The following IGF2BP2 variants were observed in gnomAD, a reference collection of about 807,000 sequenced individuals.
The protein encoded by IGF2BP2 is insulin like growth factor 2 mRNA binding protein 2, also known as insulin-like growth factor 2 mRNA-binding protein 2.
Under a neutral mutation model 75.8 loss-of-function variants are expected in IGF2BP2, and 17 were observed. The ratio of observed to expected loss-of-function variants is 0.22; its 90% CI spans 0.15 to 0.34. The LOEUF (loss-of-function observed/expected upper bound fraction) is 0.34, where lower values mean the gene tolerates loss of function less well. IGF2BP2 is among the 10% of genes least tolerant of loss of function. The pLI, the probability that IGF2BP2 is intolerant of heterozygous loss-of-function variation, is 1.00. For missense variants in IGF2BP2, 516 were observed against 772.4 expected, an observed-to-expected ratio of 0.67 and a Z score of 3.93; for synonymous variants, 288 against 295.6, an observed-to-expected ratio of 0.97 and a Z score of 0.26.
chr3:185,702,101 A>G (rs908717528), intron 2 of IGF2BP2, among the ~76,000 whole-genome samples: 1 of 152,036 alleles, frequency 6.6e-6, no homozygotes, highest in Non-Finnish European at 1.5e-5. Flanking sequence ...TCTTCGCCAT[A>G]ATTACTTATC....
chr3:185,806,406 A>C (rs760166048), intron 2 of IGF2BP2, among the ~76,000 whole-genome samples: 1 of 152,198 alleles, frequency 6.6e-6, no homozygotes, highest in African/African-American at 2.4e-5. Context: ...CTAAAGAGTA[A>C]GCACTCCTAA....
chr3:185,668,599 A>G (rs748987433), intron 10 of IGF2BP2, among the ~76,000 whole-genome samples: 31 of 148,804 alleles, frequency 2.1e-4, no homozygotes, highest in Non-Finnish European at 4.2e-4. Context: ...AAGTTGAACT[A>G]TGAACTATTG....
chr3:185,734,210 A>G (rs781059908), intron 2 of IGF2BP2, among the ~76,000 whole-genome samples: 111 of 152,350 alleles, frequency 7.3e-4, no homozygotes, highest in Non-Finnish European at 7.6e-4. Context: ...ACATAGTTAC[A>G]TAGGTGAAAC....
chr3:185,739,137 A>T (rs1440637746), intron 2 of IGF2BP2, among the ~76,000 whole-genome samples: 11 of 152,196 alleles, frequency 7.2e-5, no homozygotes. Flanking sequence ...GGGATTTAGC[A>T]GCGTTCTGAA....
In IGF2BP2 at chr3:185,647,161, G is replaced by A. The variant is rs1013682906; in HGVS notation, c.1594-23C>T. 9.1e-6 allele frequency: 14 copies of A among 1,546,708 alleles called. No homozygotes were observed. The highest frequency in any genetic ancestry group is 3.4e-4 in the Middle Eastern group (2 of 5,956). ...CACCTGTGAAGGGAGAAACGGCAAC[G>A]GGTTGGATAGGTTCCCTCCCCGTCA... On this transcript the variant is annotated intron_variant, in intron 14 of 15. Coordinates refer to ENST00000382199, the MANE Select transcript of IGF2BP2 (RefSeq NM_006548.6). The surrounding 1 kb of genome is among the most constrained non-coding windows in gnomAD (Gnocchi z 4.9).
intron 2 of IGF2BP2, among the ~76,000 whole-genome samples, chr3:185,709,040 A>T (rs1247004181): frequency 6.6e-6 from 1 of 152,230 alleles, no homozygotes; most frequent in African/African-American, 2.4e-5. Context: ...TCCTCAACTC[A>T]TTATCTGTAA....
chr3:185,660,969 G>T (rs1716337990), intron 10 of IGF2BP2, among the ~76,000 whole-genome samples: 1 of 152,224 alleles, frequency 6.6e-6, no homozygotes, highest in Non-Finnish European at 1.5e-5. Context: ...CCTATTCTGG[G>T]TTCAAATACT....
At chr3:185,674,301 CA>C (rs1232041791) in intron 9 of IGF2BP2, among the ~76,000 whole-genome samples, 1 of 152,084 alleles carries the variant, frequency 6.6e-6, no homozygotes, top group African/African-American at 2.4e-5. Context: ...TTGATAACTG[CA>C]AAAGGTGGAT....
At chr3:185,720,020 T>C (rs1164739327) in intron 2 of IGF2BP2, among the ~76,000 whole-genome samples, 1 of 152,168 alleles carries the variant, frequency 6.6e-6, no homozygotes, top group Non-Finnish European at 1.5e-5. Context: ...ATTGTGACTG[T>C]CCCTTCTAAA....
intron 8 of IGF2BP2, 152 bp downstream of exon 8, chr3:185,675,639 G>A: frequency 8.9e-7 from 1 of 1,118,014 alleles, no homozygotes; most frequent in Non-Finnish European, 1.3e-6. Flanking sequence ...TACCTGGTAA[G>A]TATTTATGTA....
chr3:185,811,747 C>T (rs1240389149), intron 2 of IGF2BP2, among the ~76,000 whole-genome samples: 2 of 151,802 alleles, frequency 1.3e-5, no homozygotes, highest in African/African-American at 4.8e-5. Context: ...GTGCAAAATA[C>T]GAAACCATGG....
chr3:185,710,766 C>T (rs1202977883), intron 2 of IGF2BP2, among the ~76,000 whole-genome samples: 2 of 151,652 alleles, frequency 1.3e-5, no homozygotes. Context: ...CAAAAAACCT[C>T]GAGTGATTCT....
At chr3:185,655,646 C>G (rs981490057) in intron 12 of IGF2BP2, among the ~76,000 whole-genome samples, 2 of 152,228 alleles carry the variant, frequency 1.3e-5, no homozygotes, top group Admixed American at 1.3e-4. Flanking sequence ...GCCAGGAGCA[C>G]AGTGACACGT....
At chr3:185,786,175 C>T (rs898301119) in intron 2 of IGF2BP2, among the ~76,000 whole-genome samples, 2 of 151,792 alleles carry the variant, frequency 1.3e-5, no homozygotes, top group Admixed American at 6.6e-5. Flanking sequence ...TGATGTACTG[C>T]GTCCCTTTGA....
chr3:185,782,789 C>T (rs535997524), intron 2 of IGF2BP2, among the ~76,000 whole-genome samples: 7 of 152,216 alleles, frequency 4.6e-5, no homozygotes, highest in African/African-American at 1.2e-4. Context: ...AGAGAAGAGC[C>T]GGCATGAAGT....
rs141143077 is a variant in IGF2BP2, at chr3:185,662,794, C to T, written c.1201-4385G>A. ...CTGACCTCAGGTGATCCTCCCACCA[C>T]GGCCTCCCAAAGTGCTGGAATTACA... On this transcript the variant is annotated intron_variant, in intron 10 of 15. Coordinates refer to ENST00000382199, the MANE Select transcript of IGF2BP2 (RefSeq NM_006548.6). Among the ~76,000 whole-genome samples, 26 of 152,154 alleles carry T rather than the reference C, an allele frequency of 1.7e-4. No homozygotes were observed. In the East Asian group the frequency reaches 3.1e-3, roughly 18 times the overall value.
chr3:185,771,285 A>T (rs188213705), intron 2 of IGF2BP2, among the ~76,000 whole-genome samples: 16 of 152,170 alleles, frequency 1.1e-4, no homozygotes, highest in Admixed American at 1.0e-3. Flanking sequence ...TACTAAAAAT[A>T]TAAAAAATAG....
At chr3:185,741,694 C>T (rs1259650812) in intron 2 of IGF2BP2, among the ~76,000 whole-genome samples, 2 of 152,234 alleles carry the variant, frequency 1.3e-5, no homozygotes, top group Non-Finnish European at 2.9e-5. Flanking sequence ...TTACAACAGT[C>T]AGGGCTGGCT....
At chr3:185,666,369 C>A (rs1020589173) in intron 10 of IGF2BP2, among the ~76,000 whole-genome samples, 1 of 152,200 alleles carries the variant, frequency 6.6e-6, no homozygotes, top group Non-Finnish European at 1.5e-5. Flanking sequence ...CATGGTGGCT[C>A]ACGCCTATAA....
Sources: allele counts gnomAD v4.1 joint callset (sites outside exome capture counted in the v4.1 genomes callset), GRCh38; gene constraint gnomAD v4.1.1; non-coding constraint Gnocchi (gnomAD v3.1); transcripts MANE v1.5; gene names NCBI Gene and HGNC (gene_info 2026-07-23, HGNC 2026-07-21).